COP1: variants seen among roughly 807,000 people sequenced by gnomAD.
COP1 encodes the protein E3 ubiquitin-protein ligase COP1.
In COP1, 24 loss-of-function variants were observed where a neutral mutation model predicts 101.3. That is an observed-to-expected ratio of 0.24 (90% CI 0.17 to 0.33). The LOEUF is 0.33. Ranked by LOEUF, COP1 falls within the 10% of genes least tolerant of loss-of-function variation. The probability of loss-of-function intolerance (pLI) is 1.00; values close to 1 mark genes in which losing one functional copy is unlikely to be tolerated. For synonymous variants in COP1, 347 were observed against 341.9 expected (o/e 1.01, Z -0.17); for missense variants, 663 against 906.2 (o/e 0.73, Z 3.45).
At chr1:176,098,495 A>C (rs1161882501) in intron 9 of COP1, among the ~76,000 whole-genome samples, 1 of 152,190 alleles carries the variant, frequency 6.6e-6, no homozygotes, top group African/African-American at 2.4e-5. Flanking sequence ...AAAAAGCTAA[A>C]AGTTCAAACA....
In COP1 at chr1:176,184,715, T is replaced by C. The variant is rs767818151; in HGVS notation, c.408-23A>G. 16 of 1,566,118 alleles carry C rather than the reference T, an allele frequency of 1.0e-5. No individual in the cohort carries two copies. The East Asian group carries it at 2.2e-4, about 22-fold the overall frequency. ...GGGCTAAAAAGAAAAGAAAAATAAT[T>C]GATTTTTTTTTAAAAGTAGAGTGAT... On this transcript the variant is annotated intron_variant, in intron 1 of 19. Coordinates refer to ENST00000367669, the MANE Select transcript of COP1 (RefSeq NM_022457.7).
intron 10 of COP1, among the ~76,000 whole-genome samples, chr1:176,083,323 C>A (rs1248552189): frequency 6.6e-6 from 1 of 152,184 alleles, no homozygotes; most frequent in Non-Finnish European, 1.5e-5. Context: ...GTATTCTGTT[C>A]TAAGCTAATA....
intron 15 of COP1, among the ~76,000 whole-genome samples, chr1:175,993,258 A>G: frequency 6.6e-6 from 1 of 152,212 alleles, no homozygotes; most frequent in African/African-American, 2.4e-5. Context: ...CACCACCATC[A>G]AAGACCAAAA....
chr1:176,034,627 A>G (rs1669178859), intron 14 of COP1, among the ~76,000 whole-genome samples: 1 of 152,142 alleles, frequency 6.6e-6, no homozygotes, highest in African/African-American at 2.4e-5. Context: ...TCGGGGAGAA[A>G]CCTGGAAAGA....
At chr1:175,967,867 T>G (rs925462695) in intron 18 of COP1, among the ~76,000 whole-genome samples, 1 of 152,050 alleles carries the variant, frequency 6.6e-6, no homozygotes, top group African/African-American at 2.4e-5. Context: ...GAATAATATT[T>G]CTTTTTTCTT....
At chr1:176,189,723 C>A (rs1414906718) in intron 1 of COP1, among the ~76,000 whole-genome samples, 4 of 150,262 alleles carry the variant, frequency 2.7e-5, no homozygotes, top group African/African-American at 9.8e-5. Flanking sequence ...AAATGAGAAA[C>A]AAAGGTTCCC....
intron 6 of COP1, among the ~76,000 whole-genome samples, chr1:176,141,699 G>C (rs1268243801): frequency 6.6e-6 from 1 of 151,024 alleles, no homozygotes; most frequent in African/African-American, 2.4e-5. Flanking sequence ...CTGATTAAAA[G>C]ACTTCATTTA....
At chr1:176,046,021 A>C (rs1671463566) in intron 12 of COP1, among the ~76,000 whole-genome samples, 160 bp downstream of exon 12, 1 of 152,048 alleles carries the variant, frequency 6.6e-6, no homozygotes, top group Admixed American at 6.5e-5. Context: ...ATCTGTAAGA[A>C]AGATGATATA....
At chr1:176,170,969 C>CA (rs1228370003) in intron 3 of COP1, among the ~76,000 whole-genome samples, 2 of 151,508 alleles carry the variant, frequency 1.3e-5, no homozygotes, top group African/African-American at 2.4e-5. Context: ...ACTAAAAATA[C>CA]AAAAAATTAG....
In COP1 at chr1:176,206,630, C is replaced by A; in HGVS notation, c.349G>T (p.Ala117Ser). The A allele has an allele frequency of 1.2e-6, 2 of 1,612,134 alleles. No individual in the cohort carries two copies. Among genetic ancestry groups the A allele is most frequent in the East Asian group, 2.2e-5 (1 of 44,850 alleles). ...TTGATGAGCCCGTTGCAGAGGGGGG[C>A]GAGGAGAGGTCGCTTCCTGCTGCCG... The part of the protein sequence containing the change: ...GSGSRKRPLL[A>S]PLCNGLINSY... The change falls in exon 1 of 20, where the codon GCC (alanine) becomes TCC (serine). Residue 117 changes from alanine (A) to serine (S), a missense_variant. Around this residue, in one of 4 missense-constraint regions of COP1, gnomAD observed 204 missense variants for 203.6 expected, o/e 1.00. Transcript: ENST00000367669.
chr1:175,964,404 T>C (rs1205463073), intron 18 of COP1, among the ~76,000 whole-genome samples: 1 of 117,224 alleles, frequency 8.5e-6, no homozygotes, highest in Non-Finnish European at 1.9e-5. Context: ...GGAAGGTAAG[T>C]TCCTTGAAAA....
At chr1:176,097,126 A>G (rs1000089411) in intron 9 of COP1, among the ~76,000 whole-genome samples, 1 of 151,966 alleles carries the variant, frequency 6.6e-6, no homozygotes, top group Non-Finnish European at 1.5e-5. Flanking sequence ...ATTTAAAAGG[A>G]TTTTCTTAAA....
At chr1:176,184,457 C>T (rs768275104) in intron 2 of COP1, among the ~76,000 whole-genome samples, 176 bp downstream of exon 2, 27 of 152,116 alleles carry the variant, frequency 1.8e-4, no homozygotes, top group Non-Finnish European at 3.4e-4. Flanking sequence ...AGAAATTATG[C>T]GCCAGCCATT....
In COP1 at chr1:176,165,361, CGTGTGTGTGTGTGTGTGTGT is replaced by C. The variant is rs34291468; in HGVS notation, c.566-1490_566-1471del. On this transcript the variant is annotated intron_variant, in intron 3 of 19. Coordinates refer to ENST00000367669, the MANE Select transcript of COP1 (RefSeq NM_022457.7). ...GTGAGAGAGAGAGAGAGATGTGTGTCGTGTGTGTGTGTGTGTGTGTGTGTGTGTGTGTGTGTGTGTGTGTG... is the reference window on the plus strand; with the variant it reads ...GTGAGAGAGAGAGAGAGATGTGTGTCGTGTGTGTGTGTGTGTGTGTGTGTG... Among the ~76,000 whole-genome samples the C allele has an allele frequency of 7.0e-3, 920 of 132,144 alleles. 13 individuals carry two copies. The highest frequency in any genetic ancestry group is 0.025 in the African/African-American group (863 of 34,882). The allele number at this position is 132,144 out of a possible 152,430, so 86.7% of individuals were successfully genotyped here.
intron 10 of COP1, among the ~76,000 whole-genome samples, chr1:176,083,354 G>T (rs1219475495): frequency 6.6e-6 from 1 of 152,110 alleles, no homozygotes; most frequent in Non-Finnish European, 1.5e-5. Context: ...AGGCTAACTG[G>T]ATTTCTGCCC....
intron 3 of COP1, among the ~76,000 whole-genome samples, chr1:176,173,335 A>AAAC (rs1696392727): frequency 6.7e-6 from 1 of 148,792 alleles, no homozygotes; most frequent in Non-Finnish European, 1.5e-5. Context: ...AAAAAAAAAA[A>AAAC]AAAAAAAAAC....
intron 11 of COP1, among the ~76,000 whole-genome samples, chr1:176,049,178 C>CAAAAAA (rs61267982): frequency 8.4e-6 from 1 of 118,370 alleles, no homozygotes; most frequent in Non-Finnish European, 1.7e-5. Context: ...GACTCCGTCT[C>CAAAAAA]AAAAAAAAAA....
chr1:176,109,391 T>C (rs765301680), intron 9 of COP1, among the ~76,000 whole-genome samples: 6 of 152,184 alleles, frequency 3.9e-5, no homozygotes, highest in African/African-American at 7.2e-5. Context: ...AATCTCTCCT[T>C]TCACCACTGA....
intron 15 of COP1, among the ~76,000 whole-genome samples, chr1:176,000,995 C>A (rs144465409): frequency 6.6e-6 from 1 of 152,096 alleles, no homozygotes; most frequent in Non-Finnish European, 1.5e-5. Context: ...ACATTATGGC[C>A]ATACATATTA....
Sources: allele counts gnomAD v4.1 joint callset (sites outside exome capture counted in the v4.1 genomes callset), GRCh38; gene constraint gnomAD v4.1.1; regional missense constraint gnomAD v4.1.1; transcripts MANE v1.5; gene names NCBI Gene and HGNC (gene_info 2026-07-23, HGNC 2026-07-21).